EHD2: variants seen among roughly 807,000 people sequenced by gnomAD.
EHD2 encodes the protein EH domain-containing protein 2.
EHD2 carries 27 observed loss-of-function variants against 41.0 expected under a neutral mutation model. The ratio of observed to expected loss-of-function variants is 0.66; its 90% CI spans 0.49 to 0.91. The LOEUF is 0.91. Ranked by LOEUF, EHD2 falls within the 40% of genes least tolerant of loss-of-function variation. EHD2 has a pLI of 0.00. For synonymous variants in EHD2, 342 were observed against 341.0 expected, an observed-to-expected ratio of 1.00 and a Z score of -0.03; for missense variants, 673 against 773.9, an observed-to-expected ratio of 0.87 and a Z score of 1.55.
chr19:47,738,026 A>G (rs1156594079), intron 5 of EHD2, among the ~76,000 whole-genome samples: 1 of 151,830 alleles, frequency 6.6e-6, no homozygotes, highest in Non-Finnish European at 1.5e-5. Flanking sequence ...GCCTGCAGGC[A>G]TGTGCCACCA....
chr19:47,732,949 G>A (rs1459282964), intron 4 of EHD2: 1 of 151,938 alleles, frequency 6.6e-6, no homozygotes, highest in African/African-American at 2.4e-5. Flanking sequence ...TGGGCATGGT[G>A]GTGCATGCCT....
chr19:47,724,255 T>C (rs1250423127), intron 3 of EHD2, among the ~76,000 whole-genome samples: 3 of 151,868 alleles, frequency 2.0e-5, no homozygotes, highest in African/African-American at 7.3e-5. Context: ...AATTTTTTTG[T>C]ATTTTTAGGG....
intron 3 of EHD2, 62 bp downstream of exon 3, chr19:47,718,668 TGAGGGAGGAGG>T (rs1973658330): frequency 7.3e-7 from 1 of 1,366,540 alleles, no homozygotes; most frequent in African/African-American, 1.6e-5. Context: ...CTCCTGGGTC[TGAGGGAGGAGG>T]GACTGGGCCC....
chr19:47,721,164 G>GGTGTGTGTGT (rs60140753), intron 3 of EHD2, among the ~76,000 whole-genome samples: 4 of 57,160 alleles, frequency 7.0e-5, no homozygotes, highest in Non-Finnish European at 1.5e-4. Context: ...TGCTACTGGG[G>GGTGTGTGTGT]GTGTGTGTGT....
rs778765086 is a variant in EHD2 at position 47,726,122 on chromosome 19, C to T, written c.813C>T (p.Phe271=). The change falls in exon 4 of 6, where the codon TTC becomes TTT. Residue 271 remains phenylalanine (F), a synonymous_variant. Transcript: ENST00000263277. ...TCGTGCCCGACAACCGGCGCCTCTT[C>T]GAGCTGGAGGAGCAGGACCTCTTCC... The part of the protein sequence containing the change: ...PLLVPDNRRL[F]ELEEQDLFRD... 1.3e-6 allele frequency: 2 copies of T among 1,577,042 alleles called. No homozygotes were observed. The highest frequency in any genetic ancestry group is 1.7e-6 in the Non-Finnish European group (2 of 1,162,414).
chr19:47,723,565 A>C (rs759423879), intron 3 of EHD2, among the ~76,000 whole-genome samples: 27 of 148,310 alleles, frequency 1.8e-4, no homozygotes, highest in South Asian at 6.6e-4. Context: ...CTGAGGCAGG[A>C]GAATTGCTTG....
Position 47,718,726 on chromosome 19 carries a change from GGACT to G in EHD2, c.502+121_502+124del. ...TCTGAGGGAGGAGGGGCTGGGGTCT[GGACT>G]CCTGGGTCTGAGGGAGGAGGGGCTG... is the stretch of plus-strand genomic sequence containing the variant. On this transcript the variant is annotated intron_variant, in intron 3 of 5. Transcript: ENST00000263277. 1.1e-5 allele frequency: 9 copies of G among 840,328 alleles called. No individual in the cohort carries two copies. In the African/African-American group the frequency reaches 1.9e-4, roughly 18 times the overall value. The allele number at this position is 840,328 out of a possible 1,614,324, so 52.1% of individuals were successfully genotyped here.
chr19:47,726,398 C>A (rs1973753043), intron 4 of EHD2, 174 bp downstream of exon 4: 2 of 650,856 alleles, frequency 3.1e-6, no homozygotes, highest in Non-Finnish European at 4.6e-6. Flanking sequence ...GAGACTCATT[C>A]CTCTGCCTTT....
rs184390556 is a variant in EHD2, at chr19:47,720,361, G to T, written c.502+1755G>T. On this transcript the variant is annotated intron_variant, in intron 3 of 5. Coordinates refer to ENST00000263277, the MANE Select transcript of EHD2 (RefSeq NM_014601.4). ...TTTGTATTTTTTTTTAGTAGAGACG[G>T]GATTTCACCATGTTGGCCAGGCTGG... 2.9e-3 allele frequency among the ~76,000 whole-genome samples: 446 copies of T among 152,086 alleles called. 2 individuals are homozygous for T. The highest frequency in any genetic ancestry group is 0.01 in the African/African-American group (417 of 41,484).
chr19:47,742,143 CTTTTCTTT>C lies in EHD2; in HGVS notation c.*712_*719del, dbSNP rs1241533635. Reference sequence around the variant, plus strand: ...CATTTATTTCCTTCCTTCCTTCCTTCTTTTCTTTCCTTCCTTCCTTCTTTTTTGTTTTT... The same window carrying C: ...CATTTATTTCCTTCCTTCCTTCCTTCCCTTCCTTCCTTCTTTTTTGTTTTT... On this transcript the variant is annotated 3_prime_UTR_variant, in exon 6 of 6. Coordinates refer to ENST00000263277, the MANE Select transcript of EHD2 (RefSeq NM_014601.4). 1 of 334,996 alleles carries C rather than the reference CTTTTCTTT, an allele frequency of 3.0e-6. No individual in the cohort carries two copies. Among genetic ancestry groups the C allele is most frequent in the African/African-American group, 2.2e-5 (1 of 45,088 alleles). The allele number at this position is 334,996 out of a possible 1,614,324, so 20.8% of individuals were successfully genotyped here.
chr19:47,729,040 C>T (rs1450550173), intron 4 of EHD2, among the ~76,000 whole-genome samples: 2 of 152,224 alleles, frequency 1.3e-5, no homozygotes, highest in East Asian at 1.9e-4. Flanking sequence ...ACAGTGACCA[C>T]GATGGTTCCA....
chr19:47,737,586 G>T (rs1172273358), intron 5 of EHD2, among the ~76,000 whole-genome samples: 2 of 151,930 alleles, frequency 1.3e-5, no homozygotes, highest in Admixed American at 6.6e-5. Context: ...GAACCCGGGA[G>T]GCAGAGGTTG....
In EHD2 at chr19:47,724,853, G is replaced by C. The variant is rs566746996; in HGVS notation, c.503-959G>C. Among the ~76,000 whole-genome samples the C allele has an allele frequency of 8.6e-5, 13 of 151,996 alleles. No homozygotes were observed. The South Asian group carries it at 2.7e-3, about 32-fold the overall frequency. On this transcript the variant is annotated intron_variant, in intron 3 of 5. Transcript: ENST00000263277. ...TTAGCCAGGGTGGTGGTGCATGCCT[G>C]TAATCCCAGCTACTCGGGAGGCTGA... is the stretch of plus-strand genomic sequence containing the variant.
rs1966921618 is a variant in EHD2 at position 47,736,294 on chromosome 19, G to A, written c.916-75G>A. The A allele has an allele frequency of 4.3e-6, 6 of 1,407,254 alleles. No homozygotes were observed. The Admixed American group carries it at 9.4e-5, about 22-fold the overall frequency. 87.2% of individuals were successfully genotyped at this position (1,407,254 alleles called of 1,614,324 possible). A position where few individuals can be genotyped will look rare whatever the true frequency, so the allele number is the denominator to read the frequency against. On this transcript the variant is annotated intron_variant, in intron 4 of 5. Transcript: ENST00000263277. Reference sequence around the variant, plus strand: ...CAAGTAAATCAGAATCTCTGGGAGTGGGGCCTGCAGCCTGTGTTTTAACAA... The same window carrying A: ...CAAGTAAATCAGAATCTCTGGGAGTAGGGCCTGCAGCCTGTGTTTTAACAA...
chr19:47,725,116 A>G (rs1402742973), intron 3 of EHD2, among the ~76,000 whole-genome samples: 7 of 151,222 alleles, frequency 4.6e-5, no homozygotes, highest in African/African-American at 1.7e-4. Context: ...AGCTGGGGTG[A>G]TAGAGGCATG....
At chr19:47,716,182 A>T (rs1973623041) in intron 1 of EHD2, among the ~76,000 whole-genome samples, 1 of 146,328 alleles carries the variant, frequency 6.8e-6, no homozygotes, top group Non-Finnish European at 1.5e-5. Flanking sequence ...GAGCTCAAGC[A>T]ATCCTCCTGC....
At chr19:47,732,507 C>G (rs981402794) in intron 4 of EHD2, among the ~76,000 whole-genome samples, 1 of 152,116 alleles carries the variant, frequency 6.6e-6, no homozygotes, top group Non-Finnish European at 1.5e-5. Flanking sequence ...CAGTCTCAAA[C>G]CTCTGGGCTC....
Position 47,717,003 on chromosome 19 carries a change from AC to A in EHD2, c.393del (p.Phe132SerfsTer34). The stretch of plus-strand genomic sequence containing the variant: ...CCGCAAACTCAACCCTTTCGGAAAC[AC>A]CTTCCTCAACAGGTGTGCCAGCCGC... Reference protein sequence around the residue: ...PFRKLNPFGNTFLNRFMCAQL... With the variant: ...PFRKLNPFGNXFLNRFMCAQL... On this transcript the variant is annotated frameshift_variant, in exon 2 of 6. Transcript: ENST00000263277. LOFTEE classifies it high-confidence loss of function. 6.2e-7 allele frequency: 1 copy of A among 1,600,026 alleles called. No individual in the cohort carries two copies. Among genetic ancestry groups the A allele is most frequent in the Non-Finnish European group, 8.5e-7 (1 of 1,179,892 alleles).
intron 1 of EHD2, among the ~76,000 whole-genome samples, chr19:47,715,429 T>C (rs538415373): frequency 6.6e-6 from 1 of 152,232 alleles, no homozygotes; most frequent in South Asian, 2.1e-4. Flanking sequence ...AAGTCAACCC[T>C]GCCCTGAGTC....
Sources: gnomAD v4.1 joint callset for allele counts (sites outside exome capture counted in the v4.1 genomes callset) on GRCh38, gnomAD v4.1.1 for gene constraint, MANE v1.5 for transcripts, NCBI Gene and HGNC (gene_info 2026-07-23, HGNC 2026-07-21) for gene names.